Variants in ANO3 observed in about 807,000 individuals in gnomAD.
ANO3 encodes anoctamin-3.
ANO3 carries 99 observed loss-of-function variants against 144.8 expected under a neutral mutation model. That is an observed-to-expected ratio of 0.68 (90% CI 0.58 to 0.81). ANO3 has a LOEUF of 0.81. ANO3 is among the 30% of genes least tolerant of loss of function. The probability of loss-of-function intolerance (pLI) is 0.00; values close to 1 mark genes in which losing one functional copy is unlikely to be tolerated. For synonymous variants in ANO3, 414 were observed against 392.6 expected (o/e 1.05, Z -0.64); for missense variants, 905 against 1,202.2 (o/e 0.75, Z 3.66).
At chr11:26,259,288 T>C (rs529940326) in intron 1 of ANO3, among the ~76,000 whole-genome samples, 1 of 152,304 alleles carries the variant, frequency 6.6e-6, no homozygotes, top group East Asian at 1.9e-4. Flanking sequence ...ATTGTGTGTA[T>C]ATATCTCTCT....
chr11:26,556,142 G>A (rs1018299751), intron 13 of ANO3, among the ~76,000 whole-genome samples: 1 of 151,866 alleles, frequency 6.6e-6, no homozygotes, highest in African/African-American at 2.4e-5. Context: ...AAAAGTATTG[G>A]AATTAGGATA....
In ANO3 at chr11:26,640,452, T is replaced by A. The variant is rs191888173; in HGVS notation, c.2141+1211T>A. On this transcript the variant is annotated intron_variant, in intron 21 of 26. Coordinates refer to ENST00000256737, the MANE Select transcript of ANO3 (RefSeq NM_031418.4). ...CATTTGTGGTGTTCCTTCCTATTCT[T>A]GGGTCACTTCTTTAAAACTGGTTTT... is the stretch of plus-strand genomic sequence containing the variant. 2.6e-5 allele frequency among the ~76,000 whole-genome samples: 4 copies of A among 152,304 alleles called. No individual in the cohort carries two copies. In the East Asian group the frequency reaches 7.7e-4, roughly 29 times the overall value.
chr11:26,491,082 T>C (rs1860688345), intron 4 of ANO3, among the ~76,000 whole-genome samples: 1 of 152,214 alleles, frequency 6.6e-6, no homozygotes, highest in Admixed American at 6.5e-5. Flanking sequence ...TGCCCACAGC[T>C]GTTATAAAAT....
At chr11:26,494,905 G>A (rs1860866024) in intron 4 of ANO3, among the ~76,000 whole-genome samples, 1 of 152,008 alleles carries the variant, frequency 6.6e-6, no homozygotes, top group South Asian at 2.1e-4. Context: ...TCAGAGTAGG[G>A]TTAGAGAAGG....
intron 14 of ANO3, among the ~76,000 whole-genome samples, chr11:26,584,143 GT>G (rs200083649): frequency 1.6e-5 from 2 of 122,056 alleles, no homozygotes; most frequent in Non-Finnish European, 3.3e-5. Context: ...ATTCTGTCTT[GT>G]TTTTTTGTTT....
upstream of ANO3, chr11:26,309,590 TG>T: frequency 1.2e-6 from 1 of 832,510 alleles, no homozygotes; most frequent in Non-Finnish European, 1.4e-6. Context: ...ACTCTCTTTC[TG>T]GTCTACTGAG....
intron 18 of ANO3, among the ~76,000 whole-genome samples, chr11:26,625,143 A>G (rs756622395): frequency 2.0e-5 from 3 of 151,940 alleles, no homozygotes; most frequent in Non-Finnish European, 4.4e-5. Context: ...GCCAGGATGG[A>G]CTCAATTTCC....
chr11:26,272,278 T>C (rs1853456152), intron 1 of ANO3, among the ~76,000 whole-genome samples: 2 of 151,702 alleles, frequency 1.3e-5, no homozygotes, highest in Non-Finnish European at 2.9e-5. Context: ...AAAAGTTGAA[T>C]TGCTTGATAC....
chr11:26,646,505 C>T (rs559823190), intron 23 of ANO3, among the ~76,000 whole-genome samples: 3 of 152,072 alleles, frequency 2.0e-5, no homozygotes, highest in Admixed American at 1.3e-4. Flanking sequence ...CACTTCCAGT[C>T]ACACTGTAAA....
intron 1 of ANO3, among the ~76,000 whole-genome samples, chr11:26,272,695 C>T (rs1275170846): frequency 6.6e-6 from 1 of 152,058 alleles, no homozygotes; most frequent in Non-Finnish European, 1.5e-5. Context: ...ATCCCAGATG[C>T]CATTAAGAAA....
intron 24 of ANO3, among the ~76,000 whole-genome samples, chr11:26,653,336 AGCCT>A (rs1349570215): frequency 6.6e-6 from 1 of 151,972 alleles, no homozygotes; most frequent in African/African-American, 2.4e-5. Context: ...CTTGGCAATC[AGCCT>A]TGAATACTTT....
chr11:26,230,960 C>A (rs1190821869), intron 1 of ANO3, among the ~76,000 whole-genome samples: 1 of 147,542 alleles, frequency 6.8e-6, no homozygotes, highest in Non-Finnish European at 1.5e-5. Flanking sequence ...CTCACTGCAA[C>A]TTCTGCCTCC....
At chr11:26,550,556 A>G (rs1849907025) in intron 12 of ANO3, among the ~76,000 whole-genome samples, 1 of 152,030 alleles carries the variant, frequency 6.6e-6, no homozygotes, top group Non-Finnish European at 1.5e-5. Flanking sequence ...TTCACTTAGC[A>G]TAATTTCCTC....
intron 1 of ANO3, among the ~76,000 whole-genome samples, chr11:26,398,651 AT>A (rs1857075445): frequency 6.6e-6 from 1 of 152,062 alleles, no homozygotes; most frequent in South Asian, 2.1e-4. Context: ...TGTGTAAAGC[AT>A]TTTGGAAGAC....
intron 4 of ANO3, among the ~76,000 whole-genome samples, chr11:26,471,949 ATC>A (rs1408261350): frequency 1.3e-5 from 2 of 151,952 alleles, no homozygotes; most frequent in Non-Finnish European, 2.9e-5. Flanking sequence ...TGGAAGATAT[ATC>A]TCCTAAGCCT....
At chr11:26,333,050 T>G (rs1158918293) in intron 1 of ANO3, among the ~76,000 whole-genome samples, 6 of 152,192 alleles carry the variant, frequency 3.9e-5, no homozygotes. Flanking sequence ...TTGAGGCACA[T>G]TCACAGTTTT....
Position 26,497,491 on chromosome 11 carries a change from G to C in ANO3, c.433-10613G>C, listed in dbSNP as rs1908176. ...CACAATGAGATACTATCTTACACCA[G>C]ACCGATGTTGTAAAAAGTTTTTCTT... On this transcript the variant is annotated intron_variant, in intron 4 of 26. Transcript: ENST00000256737. Among the ~76,000 whole-genome samples the C allele has an allele frequency of 3.2e-3, 483 of 152,146 alleles. 23 individuals carry two copies. In the South Asian group the frequency reaches 0.097, roughly 31 times the overall value.
At chr11:26,494,542 C>T (rs1860848706) in intron 4 of ANO3, among the ~76,000 whole-genome samples, 1 of 152,176 alleles carries the variant, frequency 6.6e-6, no homozygotes, top group Non-Finnish European at 1.5e-5. Flanking sequence ...ATGAATGCTT[C>T]CACTTACCTT....
Position 26,661,570 on chromosome 11 carries a change from A to G in ANO3, c.*1126A>G, listed in dbSNP as rs981372261. The G allele has an allele frequency of 8.5e-5, 13 of 152,604 alleles. No homozygotes were observed. The highest frequency in any genetic ancestry group is 2.0e-4 in the Admixed American group (3 of 15,240). 9.5% of individuals were successfully genotyped at this position (152,604 alleles called of 1,614,324 possible). On this transcript the variant is annotated 3_prime_UTR_variant, in exon 27 of 27. Transcript: ENST00000256737. ...TAAATCTATATTATTTGCTAAAAAAAGAAAAAACATTTGTGTTTTAGTTTC... is the reference window on the plus strand; with the variant it reads ...TAAATCTATATTATTTGCTAAAAAAGGAAAAAACATTTGTGTTTTAGTTTC...
Sources: allele counts gnomAD v4.1 joint callset (sites outside exome capture counted in the v4.1 genomes callset), GRCh38; gene constraint gnomAD v4.1.1; transcripts MANE v1.5; gene names NCBI Gene and HGNC (gene_info 2026-07-23, HGNC 2026-07-21).